The following ZNF804A variants were observed in gnomAD, a reference collection of about 807,000 sequenced individuals.
ZNF804A encodes zinc finger protein 804A.
Under a neutral mutation model 16.5 loss-of-function variants are expected in ZNF804A, and 2 were observed. The observed-to-expected ratio is 0.12, with a 90% CI of 0.05 to 0.38. The LOEUF (loss-of-function observed/expected upper bound fraction) is 0.38. Ranked by LOEUF, ZNF804A falls within the 10% of genes least tolerant of loss-of-function variation. The pLI, the probability that ZNF804A is intolerant of heterozygous loss-of-function variation, is 0.99. For synonymous variants in ZNF804A, 534 were observed against 489.6 expected, an observed-to-expected ratio of 1.09 and a Z score of -1.20; for missense variants, 1,473 against 1,390.7, an observed-to-expected ratio of 1.06 and a Z score of -0.94.
intron 2 of ZNF804A, among the ~76,000 whole-genome samples, chr2:184,926,888 G>C (rs1034066184): frequency 2.0e-5 from 3 of 152,092 alleles, no homozygotes; most frequent in African/African-American, 7.2e-5. Context: ...AATTTAGCTT[G>C]TAGAATTCTG....
At chr2:184,698,851 C>G (rs1692876658) in intron 1 of ZNF804A, among the ~76,000 whole-genome samples, 1 of 152,058 alleles carries the variant, frequency 6.6e-6, no homozygotes, top group South Asian at 2.1e-4. Flanking sequence ...ATTATTTTCT[C>G]TTAGAAGACA....
chr2:184,831,243 C>A (rs1029352354), intron 1 of ZNF804A, among the ~76,000 whole-genome samples: 5 of 151,902 alleles, frequency 3.3e-5, no homozygotes, highest in African/African-American at 1.2e-4. Flanking sequence ...GTTAATGATG[C>A]CTCATCTTTG....
intron 1 of ZNF804A, among the ~76,000 whole-genome samples, chr2:184,755,432 T>G (rs1403863175): frequency 6.6e-6 from 1 of 151,964 alleles, no homozygotes. Flanking sequence ...GGCAATCATG[T>G]TCATATTTTA....
intron 1 of ZNF804A, among the ~76,000 whole-genome samples, chr2:184,710,832 C>A (rs892190810): frequency 6.6e-6 from 1 of 151,692 alleles, no homozygotes; most frequent in Admixed American, 6.6e-5. Flanking sequence ...GCATATGGTA[C>A]GATTTCCTTC....
chr2:184,784,042 C>T (rs16826204), intron 1 of ZNF804A, among the ~76,000 whole-genome samples: 6,018 of 151,866 alleles, frequency 0.04, 381 homozygotes, highest in African/African-American at 0.13. Context: ...CTAGTGAATT[C>T]ATTATCATGA....
intron 2 of ZNF804A, among the ~76,000 whole-genome samples, chr2:184,871,209 G>A (rs574976433): frequency 2.0e-5 from 3 of 151,874 alleles, no homozygotes; most frequent in South Asian, 2.1e-4. Context: ...CTTGGAGGCT[G>A]AGGAGTAGGA....
At chr2:184,722,793 T>C (rs1239891292) in intron 1 of ZNF804A, among the ~76,000 whole-genome samples, 1 of 152,018 alleles carries the variant, frequency 6.6e-6, no homozygotes, top group African/African-American at 2.4e-5. Flanking sequence ...AATGCATTAT[T>C]CAAAATAATT....
intron 2 of ZNF804A, among the ~76,000 whole-genome samples, chr2:184,930,570 A>G (rs533837129): frequency 1.2e-4 from 18 of 152,316 alleles, no homozygotes; most frequent in African/African-American, 4.3e-4. Flanking sequence ...AGCTTAAACT[A>G]TGTCAGTGTT....
chr2:184,669,230 A>G (rs1438468926), intron 1 of ZNF804A, among the ~76,000 whole-genome samples: 1 of 152,086 alleles, frequency 6.6e-6, no homozygotes, highest in East Asian at 1.9e-4. Context: ...CTGAGAATAC[A>G]TATTTTTTCT....
intron 1 of ZNF804A, among the ~76,000 whole-genome samples, chr2:184,635,675 A>G (rs531382512): frequency 6.6e-6 from 1 of 152,242 alleles, no homozygotes; most frequent in South Asian, 2.1e-4. Flanking sequence ...TCCTGTTCTT[A>G]TTAAAATGTC....
intron 1 of ZNF804A, among the ~76,000 whole-genome samples, chr2:184,829,112 T>C (rs1695219379): frequency 6.6e-6 from 1 of 151,708 alleles, no homozygotes; most frequent in Non-Finnish European, 1.5e-5. Context: ...AAATGCACTT[T>C]ATCACATGTA....
At chr2:184,869,809 T>G (rs934751678) in intron 2 of ZNF804A, among the ~76,000 whole-genome samples, 1 of 152,054 alleles carries the variant, frequency 6.6e-6, no homozygotes, top group South Asian at 2.1e-4. Context: ...AAATCTGTTA[T>G]GACAGAATAT....
intron 2 of ZNF804A, among the ~76,000 whole-genome samples, chr2:184,885,769 A>T (rs1371992679): frequency 1.3e-5 from 2 of 152,138 alleles, no homozygotes; most frequent in Non-Finnish European, 2.9e-5. Flanking sequence ...ATCTTGTGAG[A>T]CTTACGCACT....
chr2:184,768,950 C>CTACAAAAG (rs1392434342), intron 1 of ZNF804A, among the ~76,000 whole-genome samples: 4 of 152,020 alleles, frequency 2.6e-5, no homozygotes, highest in Non-Finnish European at 2.9e-5. Context: ...GTGCATATAA[C>CTACAAAAG]TACAAAAGAA....
At chr2:184,817,084 C>A (rs377728817) in intron 1 of ZNF804A, among the ~76,000 whole-genome samples, 1 of 151,694 alleles carries the variant, frequency 6.6e-6, no homozygotes, top group Non-Finnish European at 1.5e-5. Flanking sequence ...GCAAGAAGAC[C>A]AGTAAAACCA....
At chr2:184,692,863 A>G (rs7588753) in intron 1 of ZNF804A, among the ~76,000 whole-genome samples, 42,196 of 152,048 alleles carry the variant, frequency 0.28, 7,035 homozygotes, top group African/African-American at 0.47. Flanking sequence ...AAAAATTTAG[A>G]GTTACTATGC....
At chr2:184,777,761 T>C (rs1248239694) in intron 1 of ZNF804A, among the ~76,000 whole-genome samples, 1 of 151,634 alleles carries the variant, frequency 6.6e-6, no homozygotes, top group Non-Finnish European at 1.5e-5. Flanking sequence ...ATGAAATGTG[T>C]TTAGTGGGTT....
At position 184,935,818 on chromosome 2, in the gene ZNF804A, C is replaced by T; in HGVS notation, c.422C>T (p.Thr141Ile). 6.2e-7 allele frequency: 1 copy of T among 1,611,974 alleles called. No homozygotes were observed. The highest frequency in any genetic ancestry group is 8.5e-7 in the Non-Finnish European group (1 of 1,178,996). The change falls in exon 4 of 4, where the codon ACT (threonine) becomes ATT (isoleucine). Residue 141 changes from threonine to isoleucine, a missense_variant. Thr to Ile is a moderately conservative substitution (Grantham distance 89, BLOSUM62 -1). Transcript: ENST00000302277. ...AGTGGCCCCATGTTCAAATCAACAA[C>T]TGTTACTGTGAGAGAAAACTGTAAT... ...PGSGPMFKSTTVTVRENCNEI... is the reference protein window; with the variant it reads ...PGSGPMFKSTIVTVRENCNEI...
In ZNF804A at chr2:184,827,510, A is replaced by T. The variant is rs1297203186; in HGVS notation, c.112-38859A>T. On this transcript the variant is annotated intron_variant, in intron 1 of 3. Transcript: ENST00000302277. The stretch of plus-strand genomic sequence containing the variant: ...TATATATATAAAAATATATATATAT[A>T]AAACTTTCACCCCAATTATAATATG... Among the ~76,000 whole-genome samples the T allele has an allele frequency of 2.0e-5, 3 of 147,428 alleles. No individual in the cohort carries two copies. In the Admixed American group the frequency reaches 2.1e-4, roughly 10 times the overall value.
Sources: gnomAD v4.1 joint callset for allele counts (sites outside exome capture counted in the v4.1 genomes callset) on GRCh38, gnomAD v4.1.1 for gene constraint, MANE v1.5 for transcripts, NCBI Gene and HGNC (gene_info 2026-07-23, HGNC 2026-07-21) for gene names.